The following L1TD1 variants were observed in gnomAD, a reference collection of about 807,000 sequenced individuals.
L1TD1 encodes LINE1 type transposase domain containing 1.
L1TD1 carries 26 observed loss-of-function variants against 25.7 expected under a neutral mutation model. The ratio of observed to expected loss-of-function variants is 1.01; its 90% CI spans 0.74 to 1.40. The LOEUF is 1.40. L1TD1 is among the 40% of genes most tolerant of loss of function. L1TD1 has a pLI of 0.00. For synonymous variants in L1TD1, 421 were observed against 335.6 expected (o/e 1.25, Z -2.78); for missense variants, 1,130 against 975.0 (o/e 1.16, Z -2.12).
rs746554359 is a variant in L1TD1 at position 62,210,441 on chromosome 1, C to T, written c.1667C>T (p.Ala556Val). 5.6e-6 allele frequency: 9 copies of T among 1,614,088 alleles called. No homozygotes were observed. Among genetic ancestry groups the T allele is most frequent in the South Asian group, 2.2e-5 (2 of 91,082 alleles). ...TGTPCLTLCL[A>V]SPSKSLEMSH... ...ACACCCTGTCTGACCTTATGTTTGG[C>T]CTCTCCCTCAAAGTCACTAGAGATG... is the stretch of plus-strand genomic sequence containing the variant. Residue 556 changes from alanine to valine, a missense_variant, in exon 4 of 4, where the codon GCC becomes GTC. Ala to Val is a moderately conservative substitution (Grantham distance 64, BLOSUM62 0). Transcript: ENST00000498273.
chr1:62,209,772 T>G lies in L1TD1; in HGVS notation c.1009-11T>G, dbSNP rs1209372242. On this transcript the variant is annotated splice_polypyrimidine_tract_variant and intron_variant, in intron 3 of 3. Coordinates refer to ENST00000498273, the MANE Select transcript of L1TD1 (RefSeq NM_019079.5). ...AATAACTCTTTTTTTTCTTCTTTGT[T>G]TAACTTTCAGGATAAAACCCTAATA... 6.1e-6 allele frequency: 9 copies of G among 1,472,678 alleles called. No homozygotes were observed. The highest frequency in any genetic ancestry group is 5.5e-5 in the South Asian group (4 of 72,904). The allele number at this position is 1,472,678 out of a possible 1,614,324, so 91.2% of individuals were successfully genotyped here.
In L1TD1 at chr1:62,210,779, C is replaced by A. The variant is rs1377040886; in HGVS notation, c.2005C>A (p.Gln669Lys). 1 of 1,549,764 alleles carries A rather than the reference C, an allele frequency of 6.5e-7. No individual in the cohort carries two copies. Among genetic ancestry groups the A allele is most frequent in the Non-Finnish European group, 8.7e-7 (1 of 1,146,638 alleles). ...AGAAAGAATAGACAGTCTAGAAGAT[C>A]AAATTGAAGAATTCTCTAAGGATAC... is the stretch of plus-strand genomic sequence containing the variant. The part of the protein sequence containing the change: ...LEERIDSLED[Q>K]IEEFSKDTMQ... The change falls in exon 4 of 4, where the codon CAA becomes AAA. Residue 669 changes from glutamine to lysine, a missense_variant. Physicochemically the swap from Gln to Lys is moderately conservative, Grantham distance 53. Coordinates refer to ENST00000498273, the MANE Select transcript of L1TD1 (RefSeq NM_019079.5).
intron 2 of L1TD1, among the ~76,000 whole-genome samples, chr1:62,205,460 C>G (rs1425946441): frequency 6.1e-5 from 4 of 65,720 alleles, no homozygotes; most frequent in Non-Finnish European, 1.3e-4. Flanking sequence ...TTTAGACAGT[C>G]TTGCTGTGTT....
At position 62,210,681 on chromosome 1, in the gene L1TD1, A is replaced by G; in HGVS notation, c.1907A>G (p.Lys636Arg). 1 of 1,554,090 alleles carries G rather than the reference A, an allele frequency of 6.4e-7. No homozygotes were observed. The highest frequency in any genetic ancestry group is 1.2e-5 in the South Asian group (1 of 84,432). ...REIKEEIGNLKSSHSGVLEIE... is the reference protein window; with the variant it reads ...REIKEEIGNLRSSHSGVLEIE... The stretch of plus-strand genomic sequence containing the variant: ...ATAAAAGAGGAGATTGGAAATTTGA[A>G]AAGTTCCCATTCAGGTGTCTTGGAA... The change falls in exon 4 of 4, where the codon AAA becomes AGA. Residue 636 changes from lysine to arginine, a missense_variant. Physicochemically the swap from Lys to Arg is conservative, Grantham distance 26. Transcript: ENST00000498273.
At position 62,206,520 on chromosome 1, in the gene L1TD1, T is replaced by G. The variant is rs1307174034; in HGVS notation, c.-109T>G. 4 of 1,095,138 alleles carry G rather than the reference T, an allele frequency of 3.7e-6. No homozygotes were observed. The African/African-American group carries it at 6.4e-5, about 17-fold the overall frequency. The allele number at this position is 1,095,138 out of a possible 1,614,324, so 67.8% of individuals were successfully genotyped here. On this transcript the variant is annotated splice_region_variant and 5_prime_UTR_variant, in exon 3 of 4. Coordinates refer to ENST00000498273, the MANE Select transcript of L1TD1 (RefSeq NM_019079.5). ...ATTTTTCATTTTTTTGTATTTCAGATTGACGTATTTTAAGATTTTTTTAAC... is the reference window on the plus strand; with the variant it reads ...ATTTTTCATTTTTTTGTATTTCAGAGTGACGTATTTTAAGATTTTTTTAAC...
chr1:62,208,723 C>T (rs115659817), intron 3 of L1TD1, among the ~76,000 whole-genome samples: 4,376 of 152,208 alleles, frequency 0.029, 184 homozygotes, highest in African/African-American at 0.1. Context: ...AAGCAGTCTA[C>T]ATGCCTTGGC....
In L1TD1 at chr1:62,206,766, G is replaced by A. The variant is rs754930715; in HGVS notation, c.138G>A (p.Lys46=). Residue 46 remains lysine, a synonymous_variant, in exon 3 of 4, where the codon AAG becomes AAA. Coordinates refer to ENST00000498273, the MANE Select transcript of L1TD1 (RefSeq NM_019079.5). The part of the protein sequence containing the change: ...DIAPVLDLKC[K]DVSAIMNKFK... ...CTCCGGTATTAGATTTAAAATGCAA[G>A]GACGTATCAGCAATTATGAATAAGT... 59 of 1,557,374 alleles carry A rather than the reference G, an allele frequency of 3.8e-5. No individual in the cohort carries two copies. The highest frequency in any genetic ancestry group is 9.6e-6 in the Non-Finnish European group (11 of 1,149,466).
At chr1:62,208,829 C>G (rs1035965580) in intron 3 of L1TD1, among the ~76,000 whole-genome samples, 1 of 152,170 alleles carries the variant, frequency 6.6e-6, no homozygotes, top group Non-Finnish European at 1.5e-5. Flanking sequence ...CAAATGAACG[C>G]TTCTCCTCTG....
intron 2 of L1TD1, among the ~76,000 whole-genome samples, chr1:62,200,919 ATTTTAT>A (rs958657446): frequency 5.9e-5 from 9 of 151,478 alleles, no homozygotes; most frequent in African/African-American, 2.2e-4. Context: ...TATTTGTTTT[ATTTTAT>A]TTTTATTTTT....
At position 62,210,392 on chromosome 1, in the gene L1TD1, G is replaced by T; in HGVS notation, c.1618G>T (p.Val540Leu). The T allele has an allele frequency of 6.2e-7, 1 of 1,614,024 alleles. No homozygotes were observed. The highest frequency in any genetic ancestry group is 1.3e-5 in the African/African-American group (1 of 75,050). ...AACCCAGGAGGAAGAGGAAACAGCTGTGCCCACAAGTCAAGGAACTGGCAC... is the reference window on the plus strand; with the variant it reads ...AACCCAGGAGGAAGAGGAAACAGCTTTGCCCACAAGTCAAGGAACTGGCAC... ...HKTQEEEETA[V>L]PTSQGTGTPC... Residue 540 changes from valine (V) to leucine (L), a missense_variant, in exon 4 of 4, where the codon GTG becomes TTG. Val to Leu is a conservative substitution (Grantham distance 32). Transcript: ENST00000498273.
At chr1:62,198,382 CTT>C (rs1670582804) in intron 2 of L1TD1, among the ~76,000 whole-genome samples, 1 of 150,902 alleles carries the variant, frequency 6.6e-6, no homozygotes, top group African/African-American at 2.4e-5. Flanking sequence ...CCACACCAAA[CTT>C]TGGGTGGCCT....
intron 2 of L1TD1, among the ~76,000 whole-genome samples, chr1:62,201,461 A>G (rs902193920): frequency 1.4e-5 from 2 of 145,350 alleles, no homozygotes; most frequent in Non-Finnish European, 3.0e-5. Flanking sequence ...GTGCCACTGC[A>G]CTCCAACCTC....
chr1:62,211,321 T>C lies in L1TD1; in HGVS notation c.2547T>C (p.Tyr849=). The C allele has an allele frequency of 6.2e-7, 1 of 1,612,916 alleles. No homozygotes were observed. Among genetic ancestry groups the C allele is most frequent in the Non-Finnish European group, 8.5e-7 (1 of 1,179,652 alleles). Reference sequence around the variant, plus strand: ...TTAGTATTGAAGAATTTAGAGATTATGTTTTGCATATGCCCACCTTGAGAG... The same window carrying C: ...TTAGTATTGAAGAATTTAGAGATTACGTTTTGCATATGCCCACCTTGAGAG... ...VFLSIEEFRD[Y]VLHMPTLREL... The change falls in exon 4 of 4, where the codon TAT becomes TAC. Residue 849 remains tyrosine, a synonymous_variant. Transcript: ENST00000498273.
rs1363011642 is a variant in L1TD1, at chr1:62,209,932, G to A, written c.1158G>A (p.Glu386=). 5.0e-6 allele frequency: 8 copies of A among 1,613,520 alleles called. No homozygotes were observed. The highest frequency in any genetic ancestry group is 1.7e-4 in the Middle Eastern group (1 of 6,046). Residue 386 remains glutamate (E), a synonymous_variant, in exon 4 of 4, where the codon GAG becomes GAA. Transcript: ENST00000498273. The part of the protein sequence containing the change: ...TQEEEFSELE[E]LDEEASGMED... ...AGGAAGAGTTTTCCGAGCTAGAGGA[G>A]CTGGATGAAGAGGCCTCAGGGATGG...
At chr1:62,208,968 A>C (rs1318727458) in intron 3 of L1TD1, among the ~76,000 whole-genome samples, 1 of 152,208 alleles carries the variant, frequency 6.6e-6, no homozygotes, top group Non-Finnish European at 1.5e-5. Flanking sequence ...AGTGTTTCAC[A>C]GATGAGGCAC....
Position 62,207,459 on chromosome 1 carries a change from G to T in L1TD1, c.831G>T (p.Leu277=), listed in dbSNP as rs774671107. The change falls in exon 3 of 4, where the codon CTG becomes CTT. Residue 277 remains leucine, a synonymous_variant. Transcript: ENST00000498273. ...AAAATGATTTTGAACCTAAATTTCT[G>T]TGTGAAGTTAAATTAGCATTTAAAT... ...LRENDFEPKF[L]CEVKLAFKCD... 1 of 1,551,132 alleles carries T rather than the reference G, an allele frequency of 6.4e-7. No homozygotes were observed. The highest frequency in any genetic ancestry group is 1.4e-5 in the African/African-American group (1 of 73,160).
In L1TD1 at chr1:62,206,708, G is replaced by C. The variant is rs1670751946; in HGVS notation, c.80G>C (p.Arg27Thr). Residue 27 changes from arginine (R) to threonine (T), a missense_variant, in exon 3 of 4, where the codon AGA becomes ACA. Coordinates refer to ENST00000498273, the MANE Select transcript of L1TD1 (RefSeq NM_019079.5). ...KKKENITYMK[R>T]EQLTETDKDI... ...AAGGAAAATATCACCTATATGAAAA[G>C]AGAGCAGTTAACAGAAACTGATAAG... The C allele has an allele frequency of 1.9e-6, 3 of 1,549,372 alleles. No homozygotes were observed. The highest frequency in any genetic ancestry group is 2.5e-5 in the East Asian group (1 of 40,796).
At position 62,211,518 on chromosome 1, in the gene L1TD1, T is replaced by G. The variant is rs971720320; in HGVS notation, c.*146T>G. ...TGAGGAGCAAGGAATATTACAGATA[T>G]TACCTAGATGTTAATAAAGGGTATG... is the stretch of plus-strand genomic sequence containing the variant. On this transcript the variant is annotated 3_prime_UTR_variant, in exon 4 of 4. Coordinates refer to ENST00000498273, the MANE Select transcript of L1TD1 (RefSeq NM_019079.5). 1.0e-5 allele frequency: 14 copies of G among 1,341,086 alleles called. No individual in the cohort carries two copies. The highest frequency in any genetic ancestry group is 1.4e-5 in the Non-Finnish European group (14 of 1,006,598). The allele number at this position is 1,341,086 out of a possible 1,614,324, so 83.1% of individuals were successfully genotyped here.
At chr1:62,202,129 TGTC>T (rs916025899) in intron 2 of L1TD1, among the ~76,000 whole-genome samples, 1 of 152,114 alleles carries the variant, frequency 6.6e-6, no homozygotes, top group African/African-American at 2.4e-5. Context: ...GGAGAAACCT[TGTC>T]TCTACTAAAA....
Sources: allele counts gnomAD v4.1 joint callset (sites outside exome capture counted in the v4.1 genomes callset), GRCh38; gene constraint gnomAD v4.1.1; transcripts MANE v1.5; gene names NCBI Gene and HGNC (gene_info 2026-07-23, HGNC 2026-07-21).